BBS9: variants seen among roughly 807,000 people sequenced by gnomAD.
The protein encoded by BBS9 is protein PTHB1.
In BBS9, 89 loss-of-function variants were observed where a neutral mutation model predicts 117.7. The ratio of observed to expected loss-of-function variants is 0.76; its 90% CI spans 0.64 to 0.90. The LOEUF (loss-of-function observed/expected upper bound fraction) is 0.90. Among genes scored for constraint, BBS9 ranks in the 40% least tolerant of loss-of-function variants. The probability of loss-of-function intolerance (pLI) is 0.00; values close to 1 mark genes in which losing one functional copy is unlikely to be tolerated. For synonymous variants in BBS9, 379 were observed against 370.9 expected (o/e 1.02, Z -0.25); for missense variants, 982 against 1,042.2 (o/e 0.94, Z 0.80).
intron 9 of BBS9, among the ~76,000 whole-genome samples, chr7:33,299,342 C>A (rs1805910332): frequency 6.6e-6 from 1 of 151,728 alleles, no homozygotes; most frequent in African/African-American, 2.4e-5. Context: ...GTAATATATT[C>A]TTTTTTAGGG....
intron 9 of BBS9, among the ~76,000 whole-genome samples, chr7:33,303,492 CTTT>C (rs374691602): frequency 1.4e-5 from 2 of 141,524 alleles, no homozygotes; most frequent in African/African-American, 5.2e-5. Context: ...TTCTCAAATG[CTTT>C]TTTTAGTATC....
chr7:33,169,853 T>C (rs1297157692), intron 4 of BBS9, among the ~76,000 whole-genome samples: 1 of 151,326 alleles, frequency 6.6e-6, no homozygotes, highest in Non-Finnish European at 1.5e-5. Flanking sequence ...TTGTTGCCAT[T>C]GCTTTTGGTG....
chr7:33,304,132 A>G (rs1395980878), intron 9 of BBS9, among the ~76,000 whole-genome samples: 38 of 115,352 alleles, frequency 3.3e-4, no homozygotes, highest in Middle Eastern at 0.01. Flanking sequence ...CCGTCTGGGA[A>G]GTGAGGAGCA....
intron 19 of BBS9, among the ~76,000 whole-genome samples, chr7:33,439,632 G>A (rs1255086381): frequency 6.6e-6 from 1 of 150,556 alleles, no homozygotes; most frequent in African/African-American, 2.4e-5. Context: ...AGGTTCAAGC[G>A]ATTCTCCTGC....
At chr7:33,633,186 A>T (rs1023651782) in intron 21 of BBS9, among the ~76,000 whole-genome samples, 1 of 152,026 alleles carries the variant, frequency 6.6e-6, no homozygotes, top group Non-Finnish European at 1.5e-5. Context: ...TACACTTCTT[A>T]CTTCTGATTT....
At chr7:33,365,526 G>A (rs1038655482) in intron 16 of BBS9, among the ~76,000 whole-genome samples, 7 of 152,208 alleles carry the variant, frequency 4.6e-5, no homozygotes, top group Admixed American at 6.5e-5. Context: ...AATGGCAGTG[G>A]ATGCTAGGGT....
chr7:33,396,819 T>C (rs1457145608), intron 19 of BBS9, among the ~76,000 whole-genome samples: 3 of 152,024 alleles, frequency 2.0e-5, no homozygotes, highest in African/African-American at 7.2e-5. Context: ...AAGACCAATG[T>C]AACAGAATAG....
At chr7:33,411,009 G>GTTTTTTTTTTTTTT (rs1491287081) in intron 19 of BBS9, among the ~76,000 whole-genome samples, 1 of 91,590 alleles carries the variant, frequency 1.1e-5, no homozygotes, top group Admixed American at 1.3e-4. Flanking sequence ...TAAAATGTTG[G>GTTTTTTTTTTTTTT]TGTTTTTTTT....
intron 21 of BBS9, among the ~76,000 whole-genome samples, chr7:33,616,491 G>GTATATATATATATATA (rs1255562311): frequency 3.1e-4 from 43 of 138,732 alleles, no homozygotes; most frequent in African/African-American, 1.1e-3. Context: ...GTGTGTGTGT[G>GTATATATATATATATA]TGTATATATA....
At chr7:33,139,973 G>A (rs1791181247) in intron 1 of BBS9, among the ~76,000 whole-genome samples, 1 of 151,648 alleles carries the variant, frequency 6.6e-6, no homozygotes, top group Non-Finnish European at 1.5e-5. Context: ...ACTCACTTCT[G>A]GCTTTGTTTT....
intron 4 of BBS9, 65 bp downstream of exon 4, chr7:33,155,767 A>G: frequency 1.1e-6 from 1 of 928,024 alleles, no homozygotes; most frequent in Non-Finnish European, 1.7e-6. Context: ...ATATGAGAAT[A>G]GATATTCCCT....
chr7:33,474,326 T>C (rs1360221991), intron 19 of BBS9, among the ~76,000 whole-genome samples: 1 of 152,212 alleles, frequency 6.6e-6, no homozygotes, highest in Admixed American at 6.5e-5. Flanking sequence ...AAAACAGACT[T>C]AAGGCAATTA....
At chr7:33,548,212 G>GA (rs746451527) in intron 21 of BBS9, among the ~76,000 whole-genome samples, 5 of 152,062 alleles carry the variant, frequency 3.3e-5, no homozygotes, top group Middle Eastern at 3.2e-3. Flanking sequence ...ATAATTTGGG[G>GA]AAAAAATCTG....
chr7:33,280,220 T>C (rs982900245), intron 9 of BBS9, among the ~76,000 whole-genome samples: 1 of 152,168 alleles, frequency 6.6e-6, no homozygotes, highest in African/African-American at 2.4e-5. Context: ...AAGTGCAAGT[T>C]TGTTACATGG....
intron 1 of BBS9, among the ~76,000 whole-genome samples, chr7:33,144,104 A>G (rs767102155): frequency 6.6e-6 from 1 of 152,202 alleles, no homozygotes; most frequent in East Asian, 1.9e-4. Flanking sequence ...AAGCGAAAGT[A>G]CAGAGATGTT....
At chr7:33,241,289 C>T (rs1483822657) in intron 5 of BBS9, among the ~76,000 whole-genome samples, 1 of 152,152 alleles carries the variant, frequency 6.6e-6, no homozygotes, top group Non-Finnish European at 1.5e-5. Context: ...TAACATTCCA[C>T]TCTACTCTGG....
At chr7:33,430,762 A>ATTAATTGTGTTTATTAAT (rs1834320685) in intron 19 of BBS9, among the ~76,000 whole-genome samples, 1 of 152,146 alleles carries the variant, frequency 6.6e-6, no homozygotes, top group African/African-American at 2.4e-5. Flanking sequence ...TTAATAAATG[A>ATTAATTGTGTTTATTAAT]GTGTTTCGAT....
chr7:33,340,803 T>G, intron 10 of BBS9, 94 bp from the exon 11 acceptor site: 1 of 1,036,222 alleles, frequency 9.7e-7, no homozygotes, highest in Non-Finnish European at 1.4e-6. Flanking sequence ...TATGGGGTTT[T>G]TTTTATATGT....
chr7:33,561,462 C>T (rs2700696), intron 21 of BBS9, among the ~76,000 whole-genome samples: 17,355 of 152,166 alleles, frequency 0.11, 1,278 homozygotes, highest in East Asian at 0.24. Flanking sequence ...TTTCCCAAAT[C>T]GTAGAGGTAG....
Sources: allele counts gnomAD v4.1 joint callset (sites outside exome capture counted in the v4.1 genomes callset), GRCh38; gene constraint gnomAD v4.1.1; transcripts MANE v1.5; gene names NCBI Gene and HGNC (gene_info 2026-07-23, HGNC 2026-07-21).